Variants in SSBP2 observed in about 807,000 individuals in gnomAD.
SSBP2 encodes the protein single stranded DNA binding protein 2.
SSBP2 carries 17 observed loss-of-function variants against 61.8 expected under a neutral mutation model. That is an observed-to-expected ratio of 0.28 (90% CI 0.19 to 0.41). The LOEUF (loss-of-function observed/expected upper bound fraction) is 0.41. Among genes scored for constraint, SSBP2 ranks in the 10% least tolerant of loss-of-function variants. The pLI is 1.00. For missense variants in SSBP2, 310 were observed against 458.7 expected (o/e 0.68, Z 2.96); for synonymous variants, 139 against 141.3 (o/e 0.98, Z 0.12).
At chr5:81,662,916 C>A (rs780716000) in intron 1 of SSBP2, among the ~76,000 whole-genome samples, 1 of 152,190 alleles carries the variant, frequency 6.6e-6, no homozygotes, top group Non-Finnish European at 1.5e-5. Flanking sequence ...TATCATCTAA[C>A]AGTACTAGGA....
chr5:81,453,550 G>A (rs923070796), intron 10 of SSBP2, among the ~76,000 whole-genome samples: 7 of 149,758 alleles, frequency 4.7e-5, no homozygotes, highest in African/African-American at 1.5e-4. Flanking sequence ...TCCGCCCCCC[G>A]GGTTCACGCC....
At chr5:81,687,784 C>G (rs1009494110) in intron 1 of SSBP2, among the ~76,000 whole-genome samples, 3 of 152,136 alleles carry the variant, frequency 2.0e-5, no homozygotes, top group African/African-American at 7.2e-5. Context: ...AAGGGAAGAA[C>G]CCAGTCTTGG....
At chr5:81,589,882 A>G (rs1775363038) in intron 4 of SSBP2, among the ~76,000 whole-genome samples, 1 of 152,102 alleles carries the variant, frequency 6.6e-6, no homozygotes, top group Non-Finnish European at 1.5e-5. Context: ...AGGGAGAGAG[A>G]GAGAGAGAGA....
intron 1 of SSBP2, among the ~76,000 whole-genome samples, chr5:81,713,761 A>AAAGT (rs1754967229): frequency 6.6e-6 from 1 of 152,216 alleles, no homozygotes; most frequent in African/African-American, 2.4e-5. Flanking sequence ...GACAGAGACC[A>AAAGT]AAGCAAGCAA....
chr5:81,600,152 C>CT (rs1365649448), intron 4 of SSBP2, among the ~76,000 whole-genome samples: 2 of 152,046 alleles, frequency 1.3e-5, no homozygotes, highest in Non-Finnish European at 2.9e-5. Flanking sequence ...AGATTAAATG[C>CT]TAGAAATAAG....
At chr5:81,475,139 T>C (rs1021296816) in intron 6 of SSBP2, among the ~76,000 whole-genome samples, 3 of 152,164 alleles carry the variant, frequency 2.0e-5, no homozygotes, top group Non-Finnish European at 4.4e-5. Flanking sequence ...GTTTGTTTCC[T>C]GGGATATATA....
chr5:81,644,524 G>A (rs538191470), intron 2 of SSBP2, among the ~76,000 whole-genome samples: 1 of 152,280 alleles, frequency 6.6e-6, no homozygotes, highest in Admixed American at 6.5e-5. Context: ...ATTCCCTGTA[G>A]CAAGGAGACC....
chr5:81,649,201 A>G (rs989862930), intron 2 of SSBP2, among the ~76,000 whole-genome samples: 9 of 152,140 alleles, frequency 5.9e-5, no homozygotes, highest in Non-Finnish European at 1.3e-4. Flanking sequence ...AGTAAAACGG[A>G]AAGAATATAA....
chr5:81,434,862 C>T (rs988639592), intron 15 of SSBP2, among the ~76,000 whole-genome samples: 4 of 151,906 alleles, frequency 2.6e-5, no homozygotes, highest in African/African-American at 9.7e-5. Flanking sequence ...CTGTGTATAC[C>T]TCGTAGTCAA....
intron 16 of SSBP2, among the ~76,000 whole-genome samples, chr5:81,421,863 T>G (rs1009918641): frequency 7.2e-5 from 11 of 152,194 alleles, no homozygotes; most frequent in African/African-American, 2.7e-4. Context: ...AAATGTTTAA[T>G]GTTATTTAAT....
intron 15 of SSBP2, among the ~76,000 whole-genome samples, chr5:81,433,483 C>T (rs1033216260): frequency 3.3e-5 from 5 of 151,692 alleles, no homozygotes; most frequent in South Asian, 2.1e-4. Context: ...CTAGGAAAAC[C>T]AGAGACCTTT....
chr5:81,693,932 C>T (rs770333283), intron 1 of SSBP2, among the ~76,000 whole-genome samples: 16 of 151,990 alleles, frequency 1.1e-4, no homozygotes, highest in Non-Finnish European at 1.5e-4. Context: ...GCAATCTTAG[C>T]GTCCATCAAC....
In SSBP2 at chr5:81,751,038, T is replaced by G. The variant is rs1757737078; in HGVS notation, c.5A>C (p.Tyr2Ser). The change falls in exon 1 of 17, where the codon TAC (tyrosine) becomes TCC (serine). Residue 2 changes from tyrosine to serine, a missense_variant. Coordinates refer to ENST00000320672, the MANE Select transcript of SSBP2 (RefSeq NM_012446.5). ...GCTGCTGTTACTCTTGCCTTTGCCG[T>G]ACATGCTTGTGCCGAGAGCAGCTCC... 1 of 1,595,718 alleles carries G rather than the reference T, an allele frequency of 6.3e-7. No homozygotes were observed. The highest frequency in any genetic ancestry group is 8.5e-7 in the Non-Finnish European group (1 of 1,171,214).
intron 3 of SSBP2, among the ~76,000 whole-genome samples, chr5:81,627,350 T>C (rs1747270713): frequency 1.3e-5 from 2 of 152,152 alleles, no homozygotes; most frequent in Admixed American, 1.3e-4. Context: ...GCCTCCTCCT[T>C]CTAGCCCCGT....
chr5:81,418,594 T>G lies in SSBP2; in HGVS notation c.*1910A>C, dbSNP rs777430771. 1 of 152,182 alleles carries G rather than the reference T, an allele frequency of 6.6e-6. No individual in the cohort carries two copies. The highest frequency in any genetic ancestry group is 1.5e-5 in the Non-Finnish European group (1 of 68,034). The allele number at this position is 152,182 out of a possible 1,614,324, so 9.4% of individuals were successfully genotyped here. A position where few individuals can be genotyped will look rare whatever the true frequency, so the allele number is the denominator to read the frequency against. On this transcript the variant is annotated 3_prime_UTR_variant, in exon 17 of 17. Transcript: ENST00000320672. ...CAATATTGTCCTTGTCTGAACATCA[T>G]AGAGTGTACTTACACAAACCTAGAT...
At chr5:81,716,231 G>T (rs1240727657) in intron 1 of SSBP2, among the ~76,000 whole-genome samples, 1 of 152,058 alleles carries the variant, frequency 6.6e-6, no homozygotes, top group African/African-American at 2.4e-5. Flanking sequence ...TAAAATAGTT[G>T]AAGTTGTTTG....
intron 1 of SSBP2, among the ~76,000 whole-genome samples, chr5:81,725,080 CATAAT>C (rs1755784348): frequency 6.6e-6 from 1 of 152,048 alleles, no homozygotes. Flanking sequence ...AAATACATAA[CATAAT>C]ATAAGGTTTT....
chr5:81,466,295 C>T (rs556070560), intron 9 of SSBP2, among the ~76,000 whole-genome samples: 6 of 152,120 alleles, frequency 3.9e-5, no homozygotes, highest in African/African-American at 1.2e-4. Context: ...TAACAAACTA[C>T]ATTATATTGG....
chr5:81,459,477 G>T (rs1764393162), intron 10 of SSBP2, among the ~76,000 whole-genome samples: 1 of 152,132 alleles, frequency 6.6e-6, no homozygotes, highest in African/African-American at 2.4e-5. Flanking sequence ...GCAGTAAAGG[G>T]ATGACTGGCT....
Sources: allele counts gnomAD v4.1 joint callset (sites outside exome capture counted in the v4.1 genomes callset), GRCh38; gene constraint gnomAD v4.1.1; transcripts MANE v1.5; gene names NCBI Gene and HGNC (gene_info 2026-07-23, HGNC 2026-07-21).